The following PCNX2 variants were observed in gnomAD, a reference collection of about 807,000 sequenced individuals.
PCNX2 encodes pecanex-like protein 2.
PCNX2 carries 168 observed loss-of-function variants against 223.8 expected under a neutral mutation model. The ratio of observed to expected loss-of-function variants is 0.75; its 90% CI spans 0.66 to 0.85. The LOEUF (loss-of-function observed/expected upper bound fraction) is 0.85, where lower values mean the gene tolerates loss of function less well. Ranked by LOEUF, PCNX2 falls within the 40% of genes least tolerant of loss-of-function variation. PCNX2 has a pLI of 0.00. For synonymous variants in PCNX2, 1,006 were observed against 1,052.6 expected (o/e 0.96, Z 0.86); for missense variants, 2,507 against 2,675.5 (o/e 0.94, Z 1.39).
At chr1:233,119,968 A>C (rs964605885) in intron 21 of PCNX2, among the ~76,000 whole-genome samples, 1 of 151,922 alleles carries the variant, frequency 6.6e-6, no homozygotes, top group African/African-American at 2.4e-5. Context: ...GGAGTTCGAG[A>C]CCAGCCTGGC....
intron 17 of PCNX2, among the ~76,000 whole-genome samples, chr1:233,175,162 G>GC (rs142076209): frequency 0.013 from 1,959 of 152,232 alleles, 26 homozygotes; most frequent in South Asian, 0.036. Flanking sequence ...AGAGACAATG[G>GC]GAGGGGGGTT....
intron 9 of PCNX2, chr1:233,231,797 C>T: frequency 5.0e-6 from 2 of 397,700 alleles, no homozygotes; most frequent in Middle Eastern, 1.3e-3. Context: ...CACAGAGTGG[C>T]TGCCAAGGAG....
Position 233,231,317 on chromosome 1 carries a change from T to G in PCNX2, c.2359-3946A>C, listed in dbSNP as rs116816168. 7.9e-3 allele frequency among the ~76,000 whole-genome samples: 1,204 copies of G among 152,106 alleles called. 15 individuals are homozygous for G. Among genetic ancestry groups the G allele is most frequent in the African/African-American group, 0.027 (1,125 of 41,468 alleles). On this transcript the variant is annotated intron_variant, in intron 9 of 33. Transcript: ENST00000258229. ...AGAGAACAAGTTAACAACACAAATT[T>G]GAAAAGCAAACTAGATAATGGAAAC...
Position 233,057,231 on chromosome 1 carries a change from C to T in PCNX2, c.4135+1G>A, listed in dbSNP as rs199752050. ...GAAAAAGAGAGAAGAGATCTTCTTA[C>T]CTGGATCTCTTTCAATTTGGACTGC... On this transcript the variant is annotated splice_donor_variant, in intron 24 of 33. Transcript: ENST00000258229. LOFTEE classifies it high-confidence loss of function. 3.1e-6 allele frequency: 5 copies of T among 1,596,004 alleles called. No homozygotes were observed. The highest frequency in any genetic ancestry group is 4.3e-6 in the Non-Finnish European group (5 of 1,165,778).
At chr1:233,209,157 G>A (rs956519276) in intron 12 of PCNX2, among the ~76,000 whole-genome samples, 4 of 152,204 alleles carry the variant, frequency 2.6e-5, no homozygotes, top group Non-Finnish European at 4.4e-5. Flanking sequence ...TAGAAAGCAA[G>A]ACAATATGGG....
chr1:233,005,375 C>T (rs1484105878), intron 28 of PCNX2, among the ~76,000 whole-genome samples: 2 of 152,256 alleles, frequency 1.3e-5, no homozygotes, highest in South Asian at 2.1e-4. Flanking sequence ...TGCGTGTGCC[C>T]GGCAGCCGTC....
At chr1:233,070,927 C>T (rs1428918271) in intron 23 of PCNX2, among the ~76,000 whole-genome samples, 1 of 152,114 alleles carries the variant, frequency 6.6e-6, no homozygotes, top group Non-Finnish European at 1.5e-5. Context: ...ATCCCAGCTA[C>T]TGGGGAGGCT....
chr1:233,263,919 C>CA (rs1660194394), intron 1 of PCNX2, among the ~76,000 whole-genome samples: 1 of 152,166 alleles, frequency 6.6e-6, no homozygotes, highest in Admixed American at 6.5e-5. Context: ...ACCACTCCCC[C>CA]ATTCCCCTCC....
Position 233,250,740 on chromosome 1 carries a change from G to A in PCNX2, c.2221C>T (p.Arg741Ter), listed in dbSNP as rs1659402584. The A allele has an allele frequency of 2.5e-6, 4 of 1,601,586 alleles. No individual in the cohort carries two copies. Among genetic ancestry groups the A allele is most frequent in the South Asian group, 2.3e-5 (2 of 87,732 alleles). ...PSNNDCLSQAREMQVSSSSTT... is the reference protein window; with the variant it reads ...PSNNDCLSQA Reference sequence around the variant, plus strand: ...GCCTGGAAACAAAGCTCCACTCACCGAGCCTGAGAGAGACAGTCATTATTT... The same window carrying A: ...GCCTGGAAACAAAGCTCCACTCACCAAGCCTGAGAGAGACAGTCATTATTT... Residue 741 changes from arginine to a stop codon, truncating the protein, a stop_gained and splice_region_variant, in exon 8 of 34, where the codon CGA becomes TGA. Coordinates refer to ENST00000258229, the MANE Select transcript of PCNX2 (RefSeq NM_014801.4). LOFTEE classifies it high-confidence loss of function.
intron 10 of PCNX2, among the ~76,000 whole-genome samples, 197 bp downstream of exon 10, chr1:233,227,029 C>T (rs552051995): frequency 9.7e-4 from 148 of 152,188 alleles, no homozygotes; most frequent in African/African-American, 3.5e-3. Context: ...CTTATTGTAA[C>T]TCTCTTATTT....
intron 15 of PCNX2, among the ~76,000 whole-genome samples, chr1:233,182,271 G>A (rs1000855730): frequency 3.9e-5 from 6 of 152,122 alleles, no homozygotes; most frequent in Non-Finnish European, 8.8e-5. Flanking sequence ...CTTTCCCACC[G>A]TCTCAACAGT....
At chr1:233,077,409 G>A (rs1234875747) in intron 23 of PCNX2, among the ~76,000 whole-genome samples, 1 of 152,040 alleles carries the variant, frequency 6.6e-6, no homozygotes, top group Non-Finnish European at 1.5e-5. Flanking sequence ...ACAGCCTCTT[G>A]GAAAACAGGG....
Position 233,139,640 on chromosome 1 carries a change from T to C in PCNX2, c.3659+74A>G, listed in dbSNP as rs1676995061. ...GGTAAAGGTTGGCTTCTTCTGCAGA[T>C]TGTTTACAGAAAATTCACTCGATTT... On this transcript the variant is annotated intron_variant, in intron 20 of 33. Coordinates refer to ENST00000258229, the MANE Select transcript of PCNX2 (RefSeq NM_014801.4). This position sits in a 1 kb window ranked among gnomAD's most constrained non-coding sequence, Gnocchi z 4.4. 2.7e-6 allele frequency: 4 copies of C among 1,490,404 alleles called. No homozygotes were observed. Among genetic ancestry groups the C allele is most frequent in the Admixed American group, 2.2e-5 (1 of 46,342 alleles). The allele number at this position is 1,490,404 out of a possible 1,614,324, so 92.3% of individuals were successfully genotyped here. A position where few individuals can be genotyped will look rare whatever the true frequency, so the allele number is the denominator to read the frequency against.
chr1:233,259,318 T>C lies in PCNX2; in HGVS notation c.544A>G (p.Ile182Val). 3.1e-6 allele frequency: 5 copies of C among 1,613,094 alleles called. No homozygotes were observed. Among genetic ancestry groups the C allele is most frequent in the East Asian group, 2.2e-5 (1 of 44,826 alleles). The change falls in exon 5 of 34, where the codon ATA (isoleucine) becomes GTA (valine). Residue 182 changes from isoleucine (I) to valine (V), a missense_variant. By Grantham distance (29) the Ile-to-Val change is conservative. This residue lies in a region of PCNX2 where 1,031 missense variants were observed against 1,021.7 expected (regional missense o/e 1.01). Coordinates refer to ENST00000258229, the MANE Select transcript of PCNX2 (RefSeq NM_014801.4). ...KGVILLEDHP[I>V]APVSSTSPGI... Reference sequence around the variant, plus strand: ...GGTGAGGTAGATGACACTGGTGCTATGGGATGGTCTTCTAATAGAATGACA... The same window carrying C: ...GGTGAGGTAGATGACACTGGTGCTACGGGATGGTCTTCTAATAGAATGACA...
chr1:233,016,868 C>T (rs1670683074), intron 27 of PCNX2, 53 bp downstream of exon 27: 1 of 1,575,638 alleles, frequency 6.3e-7, no homozygotes, highest in Non-Finnish European at 8.7e-7. Context: ...TGACAATGTT[C>T]TTTATTTATT....
chr1:233,294,705 T>C (rs1274605878), intron 1 of PCNX2, among the ~76,000 whole-genome samples: 5 of 152,210 alleles, frequency 3.3e-5, no homozygotes, highest in African/African-American at 1.2e-4. Flanking sequence ...AGCACTCACT[T>C]ACCATAACCC....
chr1:233,169,576 C>T (rs889818472), intron 17 of PCNX2, among the ~76,000 whole-genome samples: 1 of 145,702 alleles, frequency 6.9e-6, no homozygotes, highest in Non-Finnish European at 1.5e-5. Flanking sequence ...ACCCGGGAGG[C>T]GGAGCTTGCA....
chr1:233,094,828 C>T lies in PCNX2; in HGVS notation c.3946+927G>A, dbSNP rs1025778209. Among the ~76,000 whole-genome samples the T allele has an allele frequency of 5.3e-5, 8 of 152,264 alleles. 1 individual carries two copies. In the East Asian group the frequency reaches 7.7e-4, roughly 15 times the overall value. On this transcript the variant is annotated intron_variant, in intron 22 of 33. Transcript: ENST00000258229. ...CACACACTGATGGCATAAGAATCAC[C>T]AAGAAAGCTTGTGGAAAGACAGATT...
chr1:233,144,480 G>A (rs1255784188), intron 19 of PCNX2, among the ~76,000 whole-genome samples: 1 of 152,106 alleles, frequency 6.6e-6, no homozygotes, highest in Non-Finnish European at 1.5e-5. Flanking sequence ...AAGGTATTGT[G>A]CCAATTTACA....
Sources: gnomAD v4.1 joint callset for allele counts (sites outside exome capture counted in the v4.1 genomes callset) on GRCh38, gnomAD v4.1.1 for gene constraint, gnomAD v4.1.1 regional missense constraint, Gnocchi (gnomAD v3.1) non-coding constraint, MANE v1.5 for transcripts, NCBI Gene and HGNC (gene_info 2026-07-23, HGNC 2026-07-21) for gene names.